Variants in PDE1C observed in about 807,000 individuals in gnomAD.
PDE1C encodes dual specificity calcium/calmodulin-dependent 3',5'-cyclic nucleotide phosphodiesterase 1C.
PDE1C carries 62 observed loss-of-function variants against 93.1 expected under a neutral mutation model. That is an observed-to-expected ratio of 0.67 (90% CI 0.54 to 0.82). The LOEUF is 0.82. Ranked by LOEUF, PDE1C falls within the 40% of genes least tolerant of loss-of-function variation. The pLI is 0.00. For missense variants in PDE1C, 742 were observed against 884.6 expected, an observed-to-expected ratio of 0.84 and a Z score of 2.04; for synonymous variants, 325 against 310.1, an observed-to-expected ratio of 1.05 and a Z score of -0.50.
At chr7:32,253,182 A>T (rs1809517345) in intron 1 of PDE1C, among the ~76,000 whole-genome samples, 1 of 152,226 alleles carries the variant, frequency 6.6e-6, no homozygotes, top group African/African-American at 2.4e-5. Context: ...TGAAGTAGGC[A>T]TCAACATCTA....
chr7:31,729,520 T>A, the PDE1C span, among the ~76,000 whole-genome samples: 1 of 152,204 alleles, frequency 6.6e-6, no homozygotes, highest in East Asian at 1.9e-4. Flanking sequence ...AGCAGTAAAT[T>A]TAACTTCAGC....
At chr7:32,173,529 A>T (rs988231590) in intron 2 of PDE1C, among the ~76,000 whole-genome samples, 1 of 149,544 alleles carries the variant, frequency 6.7e-6, no homozygotes, top group Admixed American at 6.7e-5. Flanking sequence ...ATTAAAAATT[A>T]AAAAAAAAAC....
chr7:31,810,979 G>A (rs2128713706), intron 15 of PDE1C, among the ~76,000 whole-genome samples: 1 of 152,116 alleles, frequency 6.6e-6, no homozygotes, highest in East Asian at 1.9e-4. Flanking sequence ...AAACTCTTCA[G>A]GTTCCCTCTC....
At chr7:31,944,002 T>G (rs1450858662) in intron 2 of PDE1C, among the ~76,000 whole-genome samples, 1 of 152,180 alleles carries the variant, frequency 6.6e-6, no homozygotes, top group Non-Finnish European at 1.5e-5. Flanking sequence ...CCAGTCTAAC[T>G]GTAGGCAAGC....
intron 3 of PDE1C, among the ~76,000 whole-genome samples, chr7:32,108,888 A>G (rs376903241): frequency 2.6e-5 from 4 of 152,196 alleles, no homozygotes; most frequent in African/African-American, 9.6e-5. Context: ...CAGCTAACAC[A>G]AGCTTCTGTG....
At chr7:31,653,852 A>G in the PDE1C span, among the ~76,000 whole-genome samples, 34 of 152,326 alleles carry the variant, frequency 2.2e-4, no homozygotes, top group African/African-American at 7.2e-4. Flanking sequence ...ATCAATGTTC[A>G]GACAGCCCTG....
At chr7:31,904,580 A>G (rs186167791) in intron 2 of PDE1C, among the ~76,000 whole-genome samples, 10 of 151,978 alleles carry the variant, frequency 6.6e-5, no homozygotes, top group Non-Finnish European at 1.3e-4. Flanking sequence ...TACTACTTCG[A>G]CTCACTATAG....
intron 16 of PDE1C, among the ~76,000 whole-genome samples, chr7:31,792,436 CCCT>C (rs1784694283): frequency 6.6e-6 from 1 of 152,060 alleles, no homozygotes; most frequent in African/African-American, 2.4e-5. Flanking sequence ...TTTCCCTCCA[CCCT>C]TTTTCTAATT....
At chr7:32,042,130 T>C (rs1361439074) in intron 2 of PDE1C, among the ~76,000 whole-genome samples, 3 of 152,130 alleles carry the variant, frequency 2.0e-5, no homozygotes, top group Non-Finnish European at 4.4e-5. Flanking sequence ...TAAAACCCCG[T>C]CTCTATTAAA....
At chr7:31,898,164 T>TGA (rs1799548187) in intron 2 of PDE1C, among the ~76,000 whole-genome samples, 1 of 152,046 alleles carries the variant, frequency 6.6e-6, no homozygotes, top group Non-Finnish European at 1.5e-5. Context: ...TCATTAGAAA[T>TGA]TCCTTTCATA....
At chr7:32,048,280 G>A (rs1308946392) in intron 2 of PDE1C, among the ~76,000 whole-genome samples, 1 of 152,114 alleles carries the variant, frequency 6.6e-6, no homozygotes, top group Non-Finnish European at 1.5e-5. Flanking sequence ...TCTCTTGAAT[G>A]GGTGGGTTCA....
intron 1 of PDE1C, among the ~76,000 whole-genome samples, chr7:32,255,445 T>C (rs1364025087): frequency 6.6e-6 from 1 of 152,200 alleles, no homozygotes; most frequent in Non-Finnish European, 1.5e-5. Context: ...TTCAGGATCA[T>C]TTAATCATGA....
intron 13 of PDE1C, among the ~76,000 whole-genome samples, chr7:31,824,250 C>G (rs879329163): frequency 2.6e-5 from 4 of 152,096 alleles, no homozygotes; most frequent in Non-Finnish European, 4.4e-5. Context: ...TTCCTCTGTT[C>G]TAGATCCTGT....
At chr7:31,715,193 T>G in the PDE1C span, among the ~76,000 whole-genome samples, 6 of 151,942 alleles carry the variant, frequency 3.9e-5, no homozygotes, top group Non-Finnish European at 5.9e-5. Flanking sequence ...GTATTATTAT[T>G]GTTATTATTG....
chr7:32,311,353 GA>G (rs1447542162), intron 1 of PDE1C, among the ~76,000 whole-genome samples: 1 of 152,182 alleles, frequency 6.6e-6, no homozygotes, highest in African/African-American at 2.4e-5. Flanking sequence ...CATTCCTTCT[GA>G]AACTATTCCA....
chr7:31,916,688 C>T (rs1019133338), intron 2 of PDE1C, among the ~76,000 whole-genome samples: 5 of 152,170 alleles, frequency 3.3e-5, no homozygotes, highest in Non-Finnish European at 7.3e-5. Flanking sequence ...CAGGAGACTA[C>T]AGTAAATCAA....
chr7:32,267,147 T>C (rs900517726), intron 1 of PDE1C, among the ~76,000 whole-genome samples: 3 of 152,200 alleles, frequency 2.0e-5, no homozygotes, highest in African/African-American at 7.2e-5. Flanking sequence ...CCCTGGCCAA[T>C]GACCCTCCCT....
chr7:32,330,618 G>A (rs1783494198), intron 1 of PDE1C, among the ~76,000 whole-genome samples: 1 of 152,186 alleles, frequency 6.6e-6, no homozygotes, highest in Non-Finnish European at 1.5e-5. Flanking sequence ...CCTTTGATGA[G>A]TTTGTATTAA....
At chr7:32,062,404 C>A (rs930567241) in intron 1 of PDE1C, among the ~76,000 whole-genome samples, 1 of 152,218 alleles carries the variant, frequency 6.6e-6, no homozygotes, top group South Asian at 2.1e-4. Context: ...TTCCAGTCTG[C>A]GCTGCAGCCA....
Sources: allele counts gnomAD v4.1 joint callset (sites outside exome capture counted in the v4.1 genomes callset), GRCh38; gene constraint gnomAD v4.1.1; transcripts MANE v1.5; gene names NCBI Gene and HGNC (gene_info 2026-07-23, HGNC 2026-07-21).